The following RALGAPB variants were observed in gnomAD, a reference collection of about 807,000 sequenced individuals.
RALGAPB encodes Ral GTPase activating protein non-catalytic subunit beta.
A neutral mutation model predicts 161.1 loss-of-function variants in RALGAPB; 25 were observed. That is an observed-to-expected ratio of 0.16 (90% CI 0.11 to 0.22). The LOEUF is 0.22. RALGAPB is among the 10% of genes least tolerant of loss of function. The pLI is 1.00. For synonymous variants in RALGAPB, 629 were observed against 626.1 expected (o/e 1.00, Z -0.07); for missense variants, 1,391 against 1,815.2 (o/e 0.77, Z 4.25).
At chr20:38,565,227 C>A in intron 24 of RALGAPB, 132 bp from the exon 25 acceptor site, 7 of 951,426 alleles carry the variant, frequency 7.4e-6, no homozygotes, top group Non-Finnish European at 9.1e-6. Context: ...TTCTTTCATA[C>A]TAATTGGTTC....
intron 16 of RALGAPB, among the ~76,000 whole-genome samples, chr20:38,539,315 A>G (rs1162165733): frequency 1.3e-5 from 2 of 152,172 alleles, no homozygotes; most frequent in Non-Finnish European, 2.9e-5. Flanking sequence ...TCCGCTGTCG[A>G]TTGTGGTGAT....
chr20:38,525,293 T>C (rs921313234), intron 11 of RALGAPB, 111 bp from the exon 12 acceptor site: 3 of 753,808 alleles, frequency 4.0e-6, no homozygotes, highest in Non-Finnish European at 6.9e-6. Context: ...AAATATACAA[T>C]ATACAAATAC....
At chr20:38,531,111 C>G in intron 13 of RALGAPB, 56 bp from the exon 14 acceptor site, 1 of 1,361,652 alleles carries the variant, frequency 7.3e-7, no homozygotes, top group Non-Finnish European at 1.0e-6. Context: ...AAATGTCTTA[C>G]GCATTTTAGT....
chr20:38,489,896 T>C (rs949789537), intron 2 of RALGAPB, among the ~76,000 whole-genome samples: 12 of 152,216 alleles, frequency 7.9e-5, no homozygotes, highest in African/African-American at 2.7e-4. Flanking sequence ...CCTTGTTGCC[T>C]TCTCCTGGGA....
At chr20:38,564,313 A>C (rs2087904171) in intron 24 of RALGAPB, among the ~76,000 whole-genome samples, 1 of 152,218 alleles carries the variant, frequency 6.6e-6, no homozygotes, top group Admixed American at 6.5e-5. Flanking sequence ...CAATGACAGA[A>C]TCGAGTAGTT....
intron 5 of RALGAPB, among the ~76,000 whole-genome samples, chr20:38,505,185 G>A (rs139338447): frequency 1.5e-3 from 227 of 152,300 alleles, no homozygotes; most frequent in African/African-American, 5.1e-3. Flanking sequence ...CTAGATGCCC[G>A]TCGGTGGTAG....
Position 38,530,806 on chromosome 20 carries a change from A to C in RALGAPB, c.2051-361A>C, listed in dbSNP as rs775066780. On this transcript the variant is annotated intron_variant, in intron 13 of 29. Coordinates refer to ENST00000262879, the MANE Select transcript of RALGAPB (RefSeq NM_020336.4). ...GAGATGGGGTTTCACCATGTTGACC[A>C]GGCTAGTCTCGAACTCTTGACCTCC... Among the ~76,000 whole-genome samples the C allele has an allele frequency of 1.2e-3, 184 of 151,654 alleles. 3 individuals are homozygous for C. The highest frequency in any genetic ancestry group is 3.5e-4 in the Non-Finnish European group (24 of 67,932).
chr20:38,505,777 G>C (rs1229782130), intron 5 of RALGAPB, among the ~76,000 whole-genome samples: 1 of 152,102 alleles, frequency 6.6e-6, no homozygotes, highest in Non-Finnish European at 1.5e-5. Context: ...TGCAATGTTT[G>C]TTTTATTAGG....
In RALGAPB at chr20:38,524,870, T is replaced by C; in HGVS notation, c.1712T>C (p.Phe571Ser). 3 of 1,609,200 alleles carry C rather than the reference T, an allele frequency of 1.9e-6. No individual in the cohort carries two copies. The highest frequency in any genetic ancestry group is 2.6e-6 in the Non-Finnish European group (3 of 1,175,432). ...GTTATTCTAAACTCTCCTCCTTTGTTCTGCTGTGACTTGAAAGGGATTGAT... is the reference window on the plus strand; with the variant it reads ...GTTATTCTAAACTCTCCTCCTTTGTCCTGCTGTGACTTGAAAGGGATTGAT... ...ASVILNSPPL[F>S]CCDLKGIDVV... Residue 571 changes from phenylalanine (F) to serine (S), a missense_variant, in exon 11 of 30, where the codon TTC (phenylalanine) becomes TCC (serine). Physicochemically the swap from Phe to Ser is radical, Grantham distance 155 (BLOSUM62 -2). Coordinates refer to ENST00000262879, the MANE Select transcript of RALGAPB (RefSeq NM_020336.4).
At position 38,473,030 on chromosome 20, in the gene RALGAPB, GCGCCCGCCCCGGCGATGCGGGCCC is replaced by G. The variant is rs1459397582; in HGVS notation, c.-63_-40del. The G allele has an allele frequency of 1.5e-5, 6 of 389,636 alleles. No homozygotes were observed. The highest frequency in any genetic ancestry group is 2.3e-5 in the Non-Finnish European group (5 of 220,210). 24.1% of individuals were successfully genotyped at this position (389,636 alleles called of 1,614,324 possible). On this transcript the variant is annotated 5_prime_UTR_variant, in exon 1 of 30. An upstream start codon of the reference 5' UTR is lost. Transcript: ENST00000262879. ...GGAAGGCCGAGGACGGCCGGCGGCG[GCGCCCGCCCCGGCGATGCGGGCCC>G]CGCCCGTCGCCTCAGGTAACCGGGC... is the stretch of plus-strand genomic sequence containing the variant.
rs2122943381 is a variant in RALGAPB at position 38,498,559 on chromosome 20, C to T, written c.554-888C>T. Among the ~76,000 whole-genome samples, 4 of 152,344 alleles carry T rather than the reference C, an allele frequency of 2.6e-5. No individual in the cohort carries two copies. The Middle Eastern group carries it at 0.014, about 518-fold the overall frequency. On this transcript the variant is annotated intron_variant, in intron 4 of 29. Transcript: ENST00000262879. ...CTGGACAGTCATTGATTCATCACCT[C>T]TCTGCTACTTACTCCCCATGCCAGG...
At chr20:38,475,979 TGGTCA>T (rs960838671) in intron 1 of RALGAPB, among the ~76,000 whole-genome samples, 14 of 152,334 alleles carry the variant, frequency 9.2e-5, no homozygotes, top group African/African-American at 3.4e-4. Context: ...TTGTATTATT[TGGTCA>T]GTTTTTAGGC....
At chr20:38,506,283 T>C (rs2085761134) in intron 5 of RALGAPB, among the ~76,000 whole-genome samples, 1 of 152,020 alleles carries the variant, frequency 6.6e-6, no homozygotes, top group African/African-American at 2.4e-5. Flanking sequence ...CTGTATAGGT[T>C]CCTGCTTTTT....
intron 13 of RALGAPB, among the ~76,000 whole-genome samples, chr20:38,528,326 A>T (rs1262850706): frequency 1.3e-5 from 2 of 151,704 alleles, no homozygotes; most frequent in Non-Finnish European, 2.9e-5. Flanking sequence ...AGCAAGTTTG[A>T]CCTTCACATT....
In RALGAPB at chr20:38,509,113, A is replaced by G. The variant is rs755005087; in HGVS notation, c.777A>G (p.Ala259=). Residue 259 remains alanine, a synonymous_variant, in exon 6 of 30, where the codon GCA becomes GCG. Coordinates refer to ENST00000262879, the MANE Select transcript of RALGAPB (RefSeq NM_020336.4). ...LRFTYGPSFP[A]FKVPDEDASL... ...TTACATATGGTCCTTCATTTCCTGC[A>G]TTTAAAGTTCCCGATGAAGATGCCA... The G allele has an allele frequency of 1.2e-6, 2 of 1,613,546 alleles. No individual in the cohort carries two copies. Among genetic ancestry groups the G allele is most frequent in the Admixed American group, 3.3e-5 (2 of 60,026 alleles).
chr20:38,546,038 T>C lies in RALGAPB; in HGVS notation c.2715-205T>C, dbSNP rs190352399. ...TGAAATAAAGACATACAGGTATGCA[T>C]CTGGGGTAATGGGCTTTTTAATCTT... On this transcript the variant is annotated intron_variant, in intron 18 of 29. Transcript: ENST00000262879. Among the ~76,000 whole-genome samples the C allele has an allele frequency of 4.1e-3, 621 of 152,204 alleles. 4 individuals carry two copies. The highest frequency in any genetic ancestry group is 2.3e-3 in the Non-Finnish European group (155 of 68,018).
chr20:38,509,653 G>T (rs954297420), intron 6 of RALGAPB, among the ~76,000 whole-genome samples: 1 of 151,720 alleles, frequency 6.6e-6, no homozygotes, highest in African/African-American at 2.4e-5. Context: ...TCACAGAGGG[G>T]TATACTGCTA....
chr20:38,482,234 C>G (rs1004756961), intron 1 of RALGAPB, among the ~76,000 whole-genome samples: 1 of 152,024 alleles, frequency 6.6e-6, no homozygotes, highest in Non-Finnish European at 1.5e-5. Flanking sequence ...GGTCTTCATC[C>G]TCATCATCTG....
chr20:38,540,048 C>A, intron 17 of RALGAPB, 90 bp downstream of exon 17: 2 of 1,108,132 alleles, frequency 1.8e-6, no homozygotes, highest in Non-Finnish European at 2.6e-6. Context: ...AATTTAAATA[C>A]AGTATTGCAC....
Sources: allele counts gnomAD v4.1 joint callset (sites outside exome capture counted in the v4.1 genomes callset), GRCh38; gene constraint gnomAD v4.1.1; transcripts MANE v1.5; gene names NCBI Gene and HGNC (gene_info 2026-07-23, HGNC 2026-07-21).